Variants in ADK observed in about 807,000 individuals in gnomAD.
The protein encoded by ADK is adenosine kinase.
Under a neutral mutation model 44.7 loss-of-function variants are expected in ADK, and 24 were observed. The observed-to-expected ratio is 0.54, with a 90% CI of 0.39 to 0.76. ADK has a LOEUF of 0.76. Ranked by LOEUF, ADK falls within the 30% of genes least tolerant of loss-of-function variation. The pLI, the probability that ADK is intolerant of heterozygous loss-of-function variation, is 0.00. For missense variants in ADK, 321 were observed against 425.1 expected (o/e 0.76, Z 2.15); for synonymous variants, 128 against 142.6 (o/e 0.90, Z 0.73).
intron 3 of ADK, among the ~76,000 whole-genome samples, chr10:74,274,749 C>CATATATAT: frequency 9.5e-6 from 1 of 105,366 alleles, no homozygotes; most frequent in Admixed American, 1.1e-4. Context: ...TATATATATA[C>CATATATAT]ACACACACAT....
intron 9 of ADK, among the ~76,000 whole-genome samples, chr10:74,631,425 T>G (rs142094174): frequency 0.021 from 3,059 of 145,128 alleles, 108 homozygotes; most frequent in African/African-American, 0.07. Flanking sequence ...TTTGTTTTGT[T>G]TTTTTTTTTT....
intron 6 of ADK, among the ~76,000 whole-genome samples, chr10:74,414,144 G>A (rs1278364471): frequency 6.6e-6 from 1 of 151,956 alleles, no homozygotes; most frequent in South Asian, 2.1e-4. Context: ...AGATCCAAGC[G>A]AGCACATTCT....
intron 4 of ADK, among the ~76,000 whole-genome samples, chr10:74,333,141 T>C (rs1020209536): frequency 5.3e-5 from 8 of 152,172 alleles, no homozygotes; most frequent in African/African-American, 1.9e-4. Flanking sequence ...TGAAATCGTC[T>C]ATTTTTTCAG....
intron 3 of ADK, among the ~76,000 whole-genome samples, chr10:74,241,408 C>T (rs1334349314): frequency 5.3e-5 from 8 of 152,088 alleles, no homozygotes; most frequent in South Asian, 4.2e-4. Context: ...GGAGGGGAGA[C>T]GGAGTCTCTC....
intron 2 of ADK, among the ~76,000 whole-genome samples, chr10:74,220,468 T>C (rs1844261404): frequency 6.6e-6 from 1 of 152,086 alleles, no homozygotes; most frequent in Admixed American, 6.5e-5. Context: ...CCATTCCTTC[T>C]GAAACTATTC....
At chr10:74,533,227 A>G (rs1191197856) in intron 7 of ADK, among the ~76,000 whole-genome samples, 1 of 152,198 alleles carries the variant, frequency 6.6e-6, no homozygotes, top group East Asian at 1.9e-4. Flanking sequence ...ATTCTACTCA[A>G]AATAATCTAT....
intron 10 of ADK, among the ~76,000 whole-genome samples, chr10:74,701,915 G>A (rs2134307296): frequency 6.6e-6 from 1 of 152,242 alleles, no homozygotes; most frequent in East Asian, 1.9e-4. Flanking sequence ...CTGCACTCCA[G>A]CCTCGGTGAC....
intron 9 of ADK, among the ~76,000 whole-genome samples, chr10:74,652,885 C>T (rs1282892248): frequency 1.3e-5 from 2 of 152,132 alleles, no homozygotes; most frequent in Non-Finnish European, 2.9e-5. Context: ...TGTAAATACT[C>T]TCACCATGAC....
chr10:74,252,136 A>G (rs1029795231), intron 3 of ADK, among the ~76,000 whole-genome samples: 3 of 152,048 alleles, frequency 2.0e-5, no homozygotes, highest in Admixed American at 6.5e-5. Flanking sequence ...GGATGTTTCT[A>G]TCTAGATGGG....
intron 7 of ADK, among the ~76,000 whole-genome samples, chr10:74,572,990 T>C (rs954455758): frequency 2.0e-5 from 3 of 152,252 alleles, no homozygotes; most frequent in East Asian, 1.9e-4. Context: ...TCTGAAGCCT[T>C]CTTCTCTCAA....
intron 3 of ADK, among the ~76,000 whole-genome samples, chr10:74,234,940 C>T (rs1464993121): frequency 6.6e-6 from 1 of 152,056 alleles, no homozygotes; most frequent in Non-Finnish European, 1.5e-5. Flanking sequence ...TTTGTACACA[C>T]AAAGTTTTAA....
At chr10:74,570,043 T>C (rs995328292) in intron 7 of ADK, among the ~76,000 whole-genome samples, 1 of 152,148 alleles carries the variant, frequency 6.6e-6, no homozygotes, top group African/African-American at 2.4e-5. Context: ...CCTTTCCCCA[T>C]TGCTTGTTTT....
intron 4 of ADK, among the ~76,000 whole-genome samples, chr10:74,368,356 A>G (rs1017872051): frequency 4.0e-5 from 6 of 151,550 alleles, no homozygotes; most frequent in African/African-American, 1.2e-4. Flanking sequence ...CAATCCTCCC[A>G]TCTTGGCCCC....
intron 3 of ADK, among the ~76,000 whole-genome samples, chr10:74,233,139 A>G (rs1055849881): frequency 1.3e-4 from 20 of 152,196 alleles, no homozygotes; most frequent in African/African-American, 4.8e-4. Context: ...GTCTTGGGGT[A>G]TTAGTTAGAA....
intron 6 of ADK, among the ~76,000 whole-genome samples, chr10:74,409,260 A>T (rs1246653287): frequency 6.6e-6 from 1 of 152,190 alleles, no homozygotes; most frequent in Non-Finnish European, 1.5e-5. Context: ...GTTTGAAATA[A>T]CACTGTGAAG....
intron 9 of ADK, among the ~76,000 whole-genome samples, chr10:74,602,410 T>C (rs1852173180): frequency 6.6e-6 from 1 of 152,220 alleles, no homozygotes; most frequent in Admixed American, 6.5e-5. Context: ...AAATATTCTT[T>C]GGTTGCTCTT....
At chr10:74,408,488 G>A (rs1485898527) in intron 6 of ADK, among the ~76,000 whole-genome samples, 2 of 152,036 alleles carry the variant, frequency 1.3e-5, no homozygotes, top group Non-Finnish European at 2.9e-5. Context: ...AATGTGTTAT[G>A]GGGAATATTA....
At chr10:74,296,783 T>G (rs1013707398) in intron 3 of ADK, among the ~76,000 whole-genome samples, 1 of 151,868 alleles carries the variant, frequency 6.6e-6, no homozygotes, top group African/African-American at 2.4e-5. Context: ...GGCTAATTTT[T>G]TTTTGTATTT....
chr10:74,309,871 A>G (rs574346860), intron 3 of ADK, among the ~76,000 whole-genome samples: 5 of 152,244 alleles, frequency 3.3e-5, no homozygotes, highest in South Asian at 2.1e-4. Flanking sequence ...TTCATAAACT[A>G]TAAGTGTTTA....
Sources: allele counts gnomAD v4.1 joint callset (sites outside exome capture counted in the v4.1 genomes callset), GRCh38; gene constraint gnomAD v4.1.1; transcripts MANE v1.5; gene names NCBI Gene and HGNC (gene_info 2026-07-23, HGNC 2026-07-21).